The following PHF21A variants were observed in gnomAD, a reference collection of about 807,000 sequenced individuals.
PHF21A encodes the protein PHD finger protein 21A.
A neutral mutation model predicts 82.5 loss-of-function variants in PHF21A; 11 were observed. That is an observed-to-expected ratio of 0.13 (90% confidence interval 0.08 to 0.22). PHF21A has a LOEUF of 0.22. PHF21A is among the 10% of genes least tolerant of loss of function. PHF21A has a pLI of 1.00. For synonymous variants in PHF21A, 297 were observed against 302.8 expected, an observed-to-expected ratio of 0.98 and a Z score of 0.20; for missense variants, 579 against 837.8, an observed-to-expected ratio of 0.69 and a Z score of 3.81.
chr11:46,076,880 AG>A, intron 5 of PHF21A, 61 bp from the exon 6 acceptor site: 1 of 1,349,958 alleles, frequency 7.4e-7, no homozygotes, highest in East Asian at 2.3e-5. Flanking sequence ...GAATAGTAGC[AG>A]GAAGACTATG....
chr11:45,973,084 A>T (rs10838537), intron 7 of PHF21A, among the ~76,000 whole-genome samples: 132,690 of 152,112 alleles, frequency 0.87, 58,201 homozygotes, highest in East Asian at 1. Flanking sequence ...GTCTCAAAAA[A>T]AAATAAATAA....
chr11:46,113,452 G>A (rs2097248671), intron 1 of PHF21A, among the ~76,000 whole-genome samples: 1 of 152,160 alleles, frequency 6.6e-6, no homozygotes, highest in South Asian at 2.1e-4. Flanking sequence ...AAAACTTGAT[G>A]AATAAAAAAT....
In PHF21A at chr11:45,946,404, G is replaced by A. The variant is rs187442861; in HGVS notation, c.1289-401C>T. The stretch of plus-strand genomic sequence containing the variant: ...TTTATTTTATTTATTTATTTTTTGA[G>A]ACGGAATCTCGCTCTGTCACCCAGG... On this transcript the variant is annotated intron_variant, in intron 14 of 18. Transcript: ENST00000676320. 6.5e-3 allele frequency among the ~76,000 whole-genome samples: 985 copies of A among 152,224 alleles called. 9 individuals carry two copies. The highest frequency in any genetic ancestry group is 0.023 in the African/African-American group (935 of 41,522).
At chr11:46,023,125 A>G (rs2095664018) in intron 6 of PHF21A, among the ~76,000 whole-genome samples, 1 of 152,192 alleles carries the variant, frequency 6.6e-6, no homozygotes, top group African/African-American at 2.4e-5. Flanking sequence ...CTGGAAAAGG[A>G]ACAAAAACAA....
At chr11:46,076,850 A>T (rs2096731682) in intron 5 of PHF21A, 31 bp from the exon 6 acceptor site, 2 of 1,548,588 alleles carry the variant, frequency 1.3e-6, no homozygotes, top group Admixed American at 3.3e-5. Flanking sequence ...TCTGTGAGAA[A>T]GATATTTCAT....
intron 6 of PHF21A, among the ~76,000 whole-genome samples, chr11:46,043,157 G>C (rs904817058): frequency 1.3e-5 from 2 of 152,074 alleles, no homozygotes; most frequent in African/African-American, 4.8e-5. Flanking sequence ...TTAGAGGTAA[G>C]AAATTCAATC....
intron 16 of PHF21A, among the ~76,000 whole-genome samples, chr11:45,937,406 G>A (rs982762389): frequency 1.3e-5 from 2 of 152,152 alleles, no homozygotes; most frequent in Non-Finnish European, 2.9e-5. Flanking sequence ...ATAAAATATC[G>A]ACAGCACTTT....
chr11:46,105,983 T>C (rs1366856467), intron 1 of PHF21A, among the ~76,000 whole-genome samples: 1 of 152,230 alleles, frequency 6.6e-6, no homozygotes, highest in Non-Finnish European at 1.5e-5. Flanking sequence ...GGATTTAATA[T>C]TTGTATACTA....
intron 6 of PHF21A, among the ~76,000 whole-genome samples, chr11:46,040,066 A>C (rs1244553010): frequency 6.6e-6 from 1 of 152,220 alleles, no homozygotes; most frequent in Non-Finnish European, 1.5e-5. Context: ...GCAACCTTCC[A>C]AGTCTTTTTG....
chr11:45,963,540 G>A (rs569228270), intron 10 of PHF21A, among the ~76,000 whole-genome samples: 3 of 151,986 alleles, frequency 2.0e-5, no homozygotes, highest in East Asian at 3.9e-4. Flanking sequence ...TTTAGATTAC[G>A]GGGAAAAGCA....
At chr11:46,086,403 G>T (rs1050735125) in intron 3 of PHF21A, among the ~76,000 whole-genome samples, 1 of 152,164 alleles carries the variant, frequency 6.6e-6, no homozygotes, top group Non-Finnish European at 1.5e-5. Flanking sequence ...ACAGGCATGA[G>T]CCACCGCACC....
In PHF21A at chr11:46,019,361, C is replaced by G. The variant is rs147954904; in HGVS notation, c.154-39395G>C. On this transcript the variant is annotated intron_variant, in intron 6 of 18. Transcript: ENST00000676320. ...TAATTTTTTTCACTTGAGAACTAATCCAGAAGCTAACTTTCATTGGTAAGC... is the reference window on the plus strand; with the variant it reads ...TAATTTTTTTCACTTGAGAACTAATGCAGAAGCTAACTTTCATTGGTAAGC... Among the ~76,000 whole-genome samples the G allele has an allele frequency of 2.0e-3, 311 of 152,112 alleles. 1 individual carries two copies. The highest frequency in any genetic ancestry group is 0.01 in the Middle Eastern group (3 of 294).
At chr11:46,098,884 G>A (rs1355211529) in intron 1 of PHF21A, among the ~76,000 whole-genome samples, 1 of 152,162 alleles carries the variant, frequency 6.6e-6, no homozygotes, top group Non-Finnish European at 1.5e-5. Flanking sequence ...CTGCATCTGT[G>A]AGAACCCTTT....
rs2091071103 is a variant in PHF21A at position 45,944,955 on chromosome 11, G to A, written c.1452+885C>T. On this transcript the variant is annotated intron_variant, in intron 15 of 18. Transcript: ENST00000676320. Reference sequence around the variant, plus strand: ...ATTTTTGTGTTTTTGTAGAGACCAGGTTTCGCCATGTTGGCCAGGCTGGTC... The same window carrying A: ...ATTTTTGTGTTTTTGTAGAGACCAGATTTCGCCATGTTGGCCAGGCTGGTC... 2.0e-5 allele frequency among the ~76,000 whole-genome samples: 3 copies of A among 152,082 alleles called. 1 individual carries two copies. The South Asian group carries it at 6.2e-4, about 32-fold the overall frequency.
chr11:46,010,059 CT>C (rs778247891), intron 6 of PHF21A, among the ~76,000 whole-genome samples: 4 of 152,168 alleles, frequency 2.6e-5, no homozygotes, highest in Non-Finnish European at 5.9e-5. Flanking sequence ...CATTTAGTTG[CT>C]TAACCATATC....
intron 6 of PHF21A, among the ~76,000 whole-genome samples, chr11:46,045,059 T>C (rs183728450): frequency 2.1e-4 from 32 of 152,310 alleles, no homozygotes; most frequent in East Asian, 1.9e-4. Context: ...GTGTTAAACA[T>C]ACAGCAAAGT....
At chr11:45,949,340 A>C in intron 13 of PHF21A, 62 bp downstream of exon 13, 1 of 1,351,480 alleles carries the variant, frequency 7.4e-7, no homozygotes, top group South Asian at 1.2e-5. Context: ...GAGGGGAGGC[A>C]CTGAACAGCT....
intron 6 of PHF21A, among the ~76,000 whole-genome samples, chr11:46,018,684 T>G (rs942900476): frequency 6.6e-6 from 1 of 152,122 alleles, no homozygotes; most frequent in African/African-American, 2.4e-5. Context: ...TTGGTAAACA[T>G]GAACAAAATC....
chr11:46,054,236 AAGTCAG>A (rs1195613946), intron 6 of PHF21A, among the ~76,000 whole-genome samples: 1 of 152,184 alleles, frequency 6.6e-6, no homozygotes, highest in East Asian at 1.9e-4. Flanking sequence ...GAAAAGCTGA[AAGTCAG>A]AGTATTAATA....
Sources: allele counts gnomAD v4.1 joint callset (sites outside exome capture counted in the v4.1 genomes callset), GRCh38; gene constraint gnomAD v4.1.1; transcripts MANE v1.5; gene names NCBI Gene and HGNC (gene_info 2026-07-23, HGNC 2026-07-21).